ANKRD36C: variants seen among roughly 807,000 people sequenced by gnomAD.
The protein encoded by ANKRD36C is ankyrin repeat domain 36C.
ANKRD36C carries 61 observed loss-of-function variants against 276.4 expected under a neutral mutation model. That is an observed-to-expected ratio of 0.22 (90% CI 0.18 to 0.27). The LOEUF (loss-of-function observed/expected upper bound fraction) is 0.27, where lower values mean the gene tolerates loss of function less well. Ranked by LOEUF, ANKRD36C falls within the 10% of genes least tolerant of loss-of-function variation. The pLI is 1.00. For missense variants in ANKRD36C, 1,447 were observed against 2,032.3 expected (o/e 0.71, Z 5.54); for synonymous variants, 483 against 680.1 (o/e 0.71, Z 4.51).
At chr2:95,966,406 A>G (rs1407238920) in intron 6 of ANKRD36C, among the ~76,000 whole-genome samples, 1 of 152,172 alleles carries the variant, frequency 6.6e-6, no homozygotes, top group Admixed American at 6.6e-5. Context: ...TTTTCCCAAC[A>G]CAATTTATTA....
intron 6 of ANKRD36C, among the ~76,000 whole-genome samples, chr2:95,973,132 G>A (rs1678731273): frequency 6.6e-6 from 1 of 151,592 alleles, no homozygotes; most frequent in Admixed American, 6.6e-5. Flanking sequence ...TGTATTAGTA[G>A]GCTGGGGGCG....
intron 24 of ANKRD36C, among the ~76,000 whole-genome samples, chr2:95,929,767 T>C (rs1314018739): frequency 4.0e-5 from 6 of 151,390 alleles, no homozygotes; most frequent in Non-Finnish European, 8.9e-5. Context: ...TTGAAATCTC[T>C]TCAGTGGAAG....
Position 95,856,197 on chromosome 2 carries a change from A to C in ANKRD36C, c.4081-17T>G. On this transcript the variant is annotated splice_polypyrimidine_tract_variant and intron_variant, in intron 62 of 66. Coordinates refer to ENST00000456556, the Ensembl canonical transcript of ANKRD36C. ...TTCAGAAACCTAAGTAAAACAAAGC[A>C]AACTTGTAACTAGTATCCAATAGGA... 6.4e-7 allele frequency: 1 copy of C among 1,567,872 alleles called. No individual in the cohort carries two copies. Among genetic ancestry groups the C allele is most frequent in the Non-Finnish European group, 8.6e-7 (1 of 1,161,218 alleles).
chr2:95,870,778 G>C (rs541610107), intron 59 of ANKRD36C, among the ~76,000 whole-genome samples: 61 of 152,154 alleles, frequency 4.0e-4, no homozygotes, highest in Non-Finnish European at 7.9e-4. Context: ...AAAAAATTTA[G>C]ACGAATGTAT....
chr2:95,944,743 A>G, intron 18 of ANKRD36C, 49 bp from the exon 19 acceptor site: 1 of 1,529,080 alleles, frequency 6.5e-7, no homozygotes, highest in Non-Finnish European at 8.8e-7. Context: ...GTAATTAAGA[A>G]TCAGTAAATA....
chr2:95,947,165 G>T (rs1573793197), intron 17 of ANKRD36C, among the ~76,000 whole-genome samples: 1 of 152,212 alleles, frequency 6.6e-6, no homozygotes, highest in Non-Finnish European at 1.5e-5. Context: ...CCATTTGGAA[G>T]ATATTAGAAA....
intron 60 of ANKRD36C, among the ~76,000 whole-genome samples, chr2:95,861,088 A>G (rs1325107739): frequency 6.6e-6 from 1 of 152,196 alleles, no homozygotes; most frequent in Non-Finnish European, 1.5e-5. Context: ...GTCTTGCCTC[A>G]GGAGTTAGGA....
At chr2:95,924,093 A>C (rs1356296305) in intron 30 of ANKRD36C, among the ~76,000 whole-genome samples, 1 of 151,690 alleles carries the variant, frequency 6.6e-6, no homozygotes, top group Non-Finnish European at 1.5e-5. Context: ...CTAGTATACT[A>C]CAAACATTCA....
chr2:95,927,789 A>G (rs1677450118), intron 26 of ANKRD36C, among the ~76,000 whole-genome samples: 1 of 151,644 alleles, frequency 6.6e-6, no homozygotes, highest in Non-Finnish European at 1.5e-5. Context: ...AGAAATCAAA[A>G]GGATTTACAC....
intron 32 of ANKRD36C, among the ~76,000 whole-genome samples, chr2:95,922,023 A>G (rs932592688): frequency 1.3e-5 from 2 of 151,616 alleles, no homozygotes; most frequent in Admixed American, 1.3e-4. Context: ...TTCAAACATA[A>G]TATGATTTCT....
At chr2:95,931,147 T>C (rs1320562751) in intron 24 of ANKRD36C, among the ~76,000 whole-genome samples, 1 of 151,772 alleles carries the variant, frequency 6.6e-6, no homozygotes, top group African/African-American at 2.4e-5. Context: ...GTGACATCTG[T>C]ACAATCCCAT....
At chr2:95,891,619 T>C (rs1438148453) in intron 46 of ANKRD36C, 46 bp downstream of exon 66, 4 of 1,529,630 alleles carry the variant, frequency 2.6e-6, no homozygotes, top group Non-Finnish European at 2.6e-6. Context: ...GAGAATTTCT[T>C]ATCTATCTGC....
At chr2:95,897,116 T>C (rs1250716527) in intron 44 of ANKRD36C, among the ~76,000 whole-genome samples, 154 bp downstream of exon 60, 1 of 150,390 alleles carries the variant, frequency 6.6e-6, no homozygotes, top group African/African-American at 2.4e-5. Flanking sequence ...ACCAGCAGCA[T>C]CATCATCACC....
chr2:95,975,068 G>A (rs1678780619), intron 6 of ANKRD36C, among the ~76,000 whole-genome samples: 1 of 151,872 alleles, frequency 6.6e-6, no homozygotes, highest in Admixed American at 6.6e-5. Context: ...GGACATTTGG[G>A]TTGGTTCCAT....
At chr2:95,876,393 G>C in intron 59 of ANKRD36C, 46 bp downstream of exon 79, 1 of 1,462,898 alleles carries the variant, frequency 6.8e-7, no homozygotes, top group Non-Finnish European at 9.4e-7. Flanking sequence ...ACCAAAGCTA[G>C]GAAAACAAGA....
At chr2:95,890,673 C>T (rs1167210057) in intron 46 of ANKRD36C, among the ~76,000 whole-genome samples, 1 of 151,416 alleles carries the variant, frequency 6.6e-6, no homozygotes, top group Non-Finnish European at 1.5e-5. Context: ...ATATTAGCCT[C>T]AATAAAGATA....
intron 42 of ANKRD36C, among the ~76,000 whole-genome samples, chr2:95,911,101 G>A (rs1676908283): frequency 6.6e-6 from 1 of 151,382 alleles, no homozygotes; most frequent in South Asian, 2.1e-4. Context: ...TGATCACTTT[G>A]GATACCTGTT....
At chr2:95,931,873 C>T (rs1332265245) in intron 24 of ANKRD36C, among the ~76,000 whole-genome samples, 4 of 142,746 alleles carry the variant, frequency 2.8e-5, no homozygotes, top group Non-Finnish European at 4.7e-5. Flanking sequence ...CACACATTCA[C>T]ACACAAAAAC....
chr2:95,930,242 A>G (rs1014176239), intron 24 of ANKRD36C, among the ~76,000 whole-genome samples: 3 of 151,586 alleles, frequency 2.0e-5, no homozygotes, highest in Admixed American at 6.6e-5. Context: ...TGAATAACCA[A>G]TGTCAACAAA....
Sources: allele counts gnomAD v4.1 joint callset (sites outside exome capture counted in the v4.1 genomes callset), GRCh38; gene constraint gnomAD v4.1.1; transcripts MANE v1.5; gene names NCBI Gene and HGNC (gene_info 2026-07-23, HGNC 2026-07-21).